ACTR2: variants seen among roughly 807,000 people sequenced by gnomAD.
ACTR2 encodes actin-related protein 2.
A neutral mutation model predicts 50.2 loss-of-function variants in ACTR2; 5 were observed. The ratio of observed to expected loss-of-function variants is 0.10; its 90% confidence interval spans 0.05 to 0.21. The LOEUF is 0.21. ACTR2 is among the 10% of genes least tolerant of loss of function. The probability of loss-of-function intolerance (pLI) is 1.00; values close to 1 mark genes in which losing one functional copy is unlikely to be tolerated. For missense variants in ACTR2, 180 were observed against 480.6 expected (o/e 0.37, Z 5.85); for synonymous variants, 140 against 162.9 (o/e 0.86, Z 1.07).
chr2:65,253,577 C>T (rs1672094338), intron 4 of ACTR2, 151 bp from the exon 5 acceptor site: 2 of 717,420 alleles, frequency 2.8e-6, no homozygotes, highest in South Asian at 1.8e-5. Context: ...AATACTTATG[C>T]ATTAGAAACA....
chr2:65,234,841 TC>T (rs1311695325), intron 1 of ACTR2, among the ~76,000 whole-genome samples: 1 of 152,248 alleles, frequency 6.6e-6, no homozygotes, highest in Admixed American at 6.5e-5. Context: ...ATTCATTCAT[TC>T]TATAATTTTT....
intron 1 of ACTR2, among the ~76,000 whole-genome samples, chr2:65,237,486 C>T (rs559643783): frequency 6.6e-6 from 1 of 152,148 alleles, no homozygotes; most frequent in Non-Finnish European, 1.5e-5. Flanking sequence ...AAGTGATCTA[C>T]CTGCCTAAGC....
intron 6 of ACTR2, among the ~76,000 whole-genome samples, chr2:65,258,048 G>A (rs1407489354): frequency 6.6e-6 from 1 of 152,128 alleles, no homozygotes; most frequent in African/African-American, 2.4e-5. Flanking sequence ...TATTGGCTAG[G>A]TTTTCTTCTA....
chr2:65,241,255 T>C (rs1317254714), intron 2 of ACTR2, among the ~76,000 whole-genome samples: 2 of 152,176 alleles, frequency 1.3e-5, no homozygotes, highest in African/African-American at 4.8e-5. Context: ...TACTTTTTAT[T>C]CAGTGTCAGG....
chr2:65,250,760 A>G (rs374995208), intron 3 of ACTR2, among the ~76,000 whole-genome samples: 1 of 152,192 alleles, frequency 6.6e-6, no homozygotes, highest in East Asian at 1.9e-4. Context: ...TTTCACACTA[A>G]TTAGTCATTA....
chr2:65,246,339 G>T (rs997346122), intron 2 of ACTR2, 185 bp from the exon 3 acceptor site: 2 of 491,502 alleles, frequency 4.1e-6, no homozygotes, highest in Admixed American at 4.0e-5. Context: ...AAACCACATT[G>T]TATGTAAAAA....
chr2:65,239,769 A>T (rs759425187), intron 1 of ACTR2, 83 bp from the exon 2 acceptor site: 22 of 892,180 alleles, frequency 2.5e-5, no homozygotes, highest in Non-Finnish European at 4.1e-5. Flanking sequence ...ATATAAATGC[A>T]AAGTGATATT....
Position 65,271,048 on chromosome 2 carries a change from C to T in ACTR2, c.*2314C>T, listed in dbSNP as rs1270581065. On this transcript the variant is annotated 3_prime_UTR_variant, in exon 9 of 9. Transcript: ENST00000260641. ...TTTGAGAAGGGTTTTTTTAGAAATACATTTAGTAAAGTCCCCAAGACATTA... is the reference window on the plus strand; with the variant it reads ...TTTGAGAAGGGTTTTTTTAGAAATATATTTAGTAAAGTCCCCAAGACATTA... 1.3e-5 allele frequency: 2 copies of T among 152,176 alleles called. No individual in the cohort carries two copies. Among genetic ancestry groups the T allele is most frequent in the South Asian group, 4.1e-4 (2 of 4,822 alleles). 9.4% of individuals were successfully genotyped at this position (152,176 alleles called of 1,614,324 possible).
At chr2:65,230,703 A>G (rs909344487) in intron 1 of ACTR2, among the ~76,000 whole-genome samples, 1 of 151,864 alleles carries the variant, frequency 6.6e-6, no homozygotes, top group Non-Finnish European at 1.5e-5. Flanking sequence ...GAGCCACTGC[A>G]CCCTGCTGTC....
chr2:65,255,565 C>T lies in ACTR2; in HGVS notation c.606C>T (p.Tyr202=), dbSNP rs770273819. 22 of 1,612,932 alleles carry T rather than the reference C, an allele frequency of 1.4e-5. No homozygotes were observed. Among genetic ancestry groups the T allele is most frequent in the Admixed American group, 1.2e-4 (7 of 59,904 alleles). ...YLIKLLLLRG[Y]AFNHSADFET... ...ACCAGCTACTTCTGTTGCGAGGATACGCCTTCAACCACTCTGCTGATTTTG... is the reference window on the plus strand; with the variant it reads ...ACCAGCTACTTCTGTTGCGAGGATATGCCTTCAACCACTCTGCTGATTTTG... Residue 202 remains tyrosine, a synonymous_variant, in exon 6 of 9, where the codon TAC becomes TAT. Coordinates refer to ENST00000260641, the MANE Select transcript of ACTR2 (RefSeq NM_005722.4).
At chr2:65,248,267 G>T (rs945467591) in intron 3 of ACTR2, among the ~76,000 whole-genome samples, 3 of 152,166 alleles carry the variant, frequency 2.0e-5, no homozygotes, top group African/African-American at 7.2e-5. Flanking sequence ...GGGCATAGTG[G>T]TGCGTGCCTG....
intron 8 of ACTR2, among the ~76,000 whole-genome samples, chr2:65,266,265 T>C (rs140654207): frequency 6.6e-6 from 1 of 152,190 alleles, no homozygotes; most frequent in Non-Finnish European, 1.5e-5. Flanking sequence ...GGTAGTGTGC[T>C]CCTTCATAAA....
chr2:65,245,093 G>A (rs553557139), intron 2 of ACTR2, among the ~76,000 whole-genome samples: 15 of 151,924 alleles, frequency 9.9e-5, no homozygotes, highest in Admixed American at 9.2e-4. Flanking sequence ...TATACTTTTT[G>A]ATGCTTTTAG....
intron 6 of ACTR2, among the ~76,000 whole-genome samples, chr2:65,257,724 G>C (rs1034328097): frequency 6.6e-6 from 1 of 152,082 alleles, no homozygotes; most frequent in Non-Finnish European, 1.5e-5. Flanking sequence ...ATGTTTATTG[G>C]CCACATAAAT....
intron 1 of ACTR2, among the ~76,000 whole-genome samples, chr2:65,237,834 C>T (rs998733822): frequency 1.3e-5 from 2 of 151,876 alleles, no homozygotes; most frequent in African/African-American, 2.4e-5. Context: ...AAAAGAATTA[C>T]CTGGGCGTGG....
intron 3 of ACTR2, among the ~76,000 whole-genome samples, chr2:65,249,632 T>C (rs541189972): frequency 1.3e-5 from 2 of 152,270 alleles, no homozygotes; most frequent in South Asian, 4.1e-4. Flanking sequence ...TTGTAAAATT[T>C]CTAAATATTT....
Position 65,265,154 on chromosome 2 carries a change from G to A in ACTR2, c.993G>A (p.Lys331=), listed in dbSNP as rs1476279216. 1 of 1,614,062 alleles carries A rather than the reference G, an allele frequency of 6.2e-7. No homozygotes were observed. The highest frequency in any genetic ancestry group is 1.3e-5 in the African/African-American group (1 of 74,926). ...AGCTTTACTTAGAACGAGTTTTGAA[G>A]GGTGATGTGGAAAAACTTTCTGTAA... is the stretch of plus-strand genomic sequence containing the variant. ...LKQLYLERVL[K]GDVEKLSKFK... is the part of the protein sequence containing the mutation. The change falls in exon 8 of 9, where the codon AAG becomes AAA. Residue 331 remains lysine, a synonymous_variant. Transcript: ENST00000260641.
intron 8 of ACTR2, among the ~76,000 whole-genome samples, chr2:65,265,994 A>G (rs915836956): frequency 1.3e-5 from 2 of 152,228 alleles, no homozygotes; most frequent in Admixed American, 1.3e-4. Flanking sequence ...AACAGACTGG[A>G]AAGGAGCCAT....
chr2:65,251,316 G>A (rs543285941), intron 4 of ACTR2, among the ~76,000 whole-genome samples: 4 of 151,462 alleles, frequency 2.6e-5, no homozygotes, highest in East Asian at 3.9e-4. Flanking sequence ...AAAAAAAAAG[G>A]CTTAAAGACT....
Sources: allele counts gnomAD v4.1 joint callset (sites outside exome capture counted in the v4.1 genomes callset), GRCh38; gene constraint gnomAD v4.1.1; transcripts MANE v1.5; gene names NCBI Gene and HGNC (gene_info 2026-07-23, HGNC 2026-07-21).